Variants in MTREX observed in about 807,000 individuals in gnomAD.
The protein encoded by MTREX is exosome RNA helicase MTR4.
Under a neutral mutation model 135.4 loss-of-function variants are expected in MTREX, and 76 were observed. That is an observed-to-expected ratio of 0.56 (90% CI 0.47 to 0.68). The LOEUF is 0.68. Among genes scored for constraint, MTREX ranks in the 30% least tolerant of loss-of-function variants. The pLI is 0.00. For synonymous variants in MTREX, 404 were observed against 401.6 expected, an observed-to-expected ratio of 1.01 and a Z score of -0.07; for missense variants, 920 against 1,262.1, an observed-to-expected ratio of 0.73 and a Z score of 4.11.
At chr5:55,391,201 G>A (rs546865183) in intron 19 of MTREX, among the ~76,000 whole-genome samples, 96 of 152,270 alleles carry the variant, frequency 6.3e-4, no homozygotes, top group African/African-American at 2.2e-3. Context: ...AGCACTTTGG[G>A]AGACTGAGGT....
At chr5:55,347,485 T>C (rs1468277123) in intron 11 of MTREX, among the ~76,000 whole-genome samples, 1 of 152,232 alleles carries the variant, frequency 6.6e-6, no homozygotes, top group Admixed American at 6.5e-5. Context: ...ATAGCTTGGT[T>C]AGACCACCTT....
chr5:55,324,214 A>C lies in MTREX; in HGVS notation c.339+16A>C, dbSNP rs769306462. ...TACACATGAGGTAAGCACAAACAGC[A>C]TACAGAAGGTTAGTGTTACAAATGG... is the stretch of plus-strand genomic sequence containing the variant. On this transcript the variant is annotated intron_variant, in intron 3 of 26. Coordinates refer to ENST00000230640, the MANE Select transcript of MTREX (RefSeq NM_015360.5). 3 of 1,584,924 alleles carry C rather than the reference A, an allele frequency of 1.9e-6. No homozygotes were observed. The highest frequency in any genetic ancestry group is 2.2e-5 in the South Asian group (2 of 89,468).
At chr5:55,376,036 G>A (rs1750295812) in intron 16 of MTREX, among the ~76,000 whole-genome samples, 1 of 152,158 alleles carries the variant, frequency 6.6e-6, no homozygotes, top group African/African-American at 2.4e-5. Flanking sequence ...GAGAAACATA[G>A]TTCCAAAATT....
intron 21 of MTREX, among the ~76,000 whole-genome samples, chr5:55,401,637 A>G (rs1750724900): frequency 6.6e-6 from 1 of 152,174 alleles, no homozygotes; most frequent in African/African-American, 2.4e-5. Context: ...CTTTCTCTAC[A>G]TCTTCGCCAG....
rs201624259 is a variant in MTREX, at chr5:55,352,002, T to TTTTTTG, written c.1431+996_1431+1001dup. ...ATCCCCAACTAATTTTTTTTTCTTG[T>TTTTTTG]TTTTTGTTTTTGTTTTTGTTTTTGT... On this transcript the variant is annotated intron_variant, in intron 13 of 26. Coordinates refer to ENST00000230640, the MANE Select transcript of MTREX (RefSeq NM_015360.5). Among the ~76,000 whole-genome samples the TTTTTTG allele has an allele frequency of 6.2e-3, 942 of 151,380 alleles. 13 individuals are homozygous for TTTTTTG. The highest frequency in any genetic ancestry group is 0.02 in the African/African-American group (818 of 41,102).
intron 24 of MTREX, among the ~76,000 whole-genome samples, chr5:55,415,641 A>C (rs1377736528): frequency 6.6e-6 from 1 of 152,234 alleles, no homozygotes; most frequent in Non-Finnish European, 1.5e-5. Context: ...TCTGTTTTGT[A>C]ATGAAATAAT....
intron 1 of MTREX, among the ~76,000 whole-genome samples, chr5:55,312,813 CTT>C (rs1023938713): frequency 6.6e-6 from 1 of 152,052 alleles, no homozygotes; most frequent in South Asian, 2.1e-4. Context: ...GCTGTTGTGT[CTT>C]TTTGACAAGA....
chr5:55,402,545 A>C (rs1329589375), intron 21 of MTREX, among the ~76,000 whole-genome samples: 1 of 152,216 alleles, frequency 6.6e-6, no homozygotes, highest in Non-Finnish European at 1.5e-5. Context: ...GGACTGGCTA[A>C]ATAAAGTTGT....
chr5:55,414,348 C>A (rs1235405443), intron 24 of MTREX, 110 bp downstream of exon 24: 2 of 846,768 alleles, frequency 2.4e-6, no homozygotes, highest in Non-Finnish European at 1.7e-6. Flanking sequence ...ACAGAGATAA[C>A]CTATAAGGAT....
rs780722154 is a variant in MTREX, at chr5:55,345,196, G to C, written c.1108G>C (p.Gly370Arg). 1 of 1,593,208 alleles carries C rather than the reference G, an allele frequency of 6.3e-7. No homozygotes were observed. The highest frequency in any genetic ancestry group is 1.1e-5 in the South Asian group (1 of 90,274). ...DQKGRKGGTK[G>R]PSNVFKIVKM... is the part of the protein sequence containing the mutation. ...GAAAGGGCGGAAAGGAGGAACAAAA[G>C]GTAATTTGGAACTTTGCTTTGAGAG... The change falls in exon 10 of 27, where the codon GGA (glycine) becomes CGA (arginine). Residue 370 changes from glycine (G) to arginine (R), a missense_variant and splice_region_variant. Around this residue, in one of 6 missense-constraint regions of MTREX, gnomAD observed 101 missense variants for 119.1 expected, o/e 0.85. Transcript: ENST00000230640.
intron 14 of MTREX, chr5:55,357,255 T>G (rs987659221): frequency 1.3e-5 from 2 of 152,610 alleles, no homozygotes; most frequent in Admixed American, 6.5e-5. Context: ...CCTTTGCCAA[T>G]TGGGGTCTTC....
At chr5:55,310,513 CAA>C (rs1335764475) in intron 1 of MTREX, among the ~76,000 whole-genome samples, 6 of 152,042 alleles carry the variant, frequency 3.9e-5, no homozygotes, top group African/African-American at 1.2e-4. Context: ...GAGGCTGAGA[CAA>C]GAGAATGGCT....
At chr5:55,344,733 TTGTC>T in intron 9 of MTREX, 113 bp downstream of exon 9, 1 of 634,706 alleles carries the variant, frequency 1.6e-6, no homozygotes, top group South Asian at 2.5e-5. Flanking sequence ...ATACATTTGT[TTGTC>T]TTAGTTTTAA....
chr5:55,308,706 A>C (rs1289315433), intron 1 of MTREX, among the ~76,000 whole-genome samples: 1 of 152,216 alleles, frequency 6.6e-6, no homozygotes, highest in East Asian at 1.9e-4. Flanking sequence ...AATGGTAGCT[A>C]TCGTGAGTTT....
At position 55,375,903 on chromosome 5, in the gene MTREX, C is replaced by T. The variant is rs146959471; in HGVS notation, c.1811-2411C>T. 1.1e-4 allele frequency among the ~76,000 whole-genome samples: 17 copies of T among 152,294 alleles called. No individual in the cohort carries two copies. The East Asian group carries it at 2.3e-3, about 21-fold the overall frequency. On this transcript the variant is annotated intron_variant, in intron 16 of 26. Transcript: ENST00000230640. ...CCTCCGTTTGGGGTCCCTGTCTTCC[C>T]GCAACATCTCTCCCTTTCTTGTTAT...
At chr5:55,416,873 A>G (rs1304567676) in intron 25 of MTREX, among the ~76,000 whole-genome samples, 4 of 152,146 alleles carry the variant, frequency 2.6e-5, no homozygotes, top group South Asian at 2.1e-4. Context: ...AACTGCTACT[A>G]TTGCTTATAG....
chr5:55,329,133 A>G (rs545065192), intron 5 of MTREX, among the ~76,000 whole-genome samples: 3 of 151,788 alleles, frequency 2.0e-5, no homozygotes, highest in Non-Finnish European at 4.4e-5. Context: ...TTGTTTGCAT[A>G]TGTATTTATG....
intron 12 of MTREX, 111 bp downstream of exon 12, chr5:55,349,763 A>T: frequency 1.6e-6 from 1 of 631,178 alleles, no homozygotes; most frequent in Non-Finnish European, 2.9e-6. Context: ...ACTGTAGCAT[A>T]TGGGTTGTGA....
chr5:55,400,379 A>T lies in MTREX; in HGVS notation c.2439A>T (p.Pro813=). 1 of 1,611,512 alleles carries T rather than the reference A, an allele frequency of 6.2e-7. No individual in the cohort carries two copies. The highest frequency in any genetic ancestry group is 8.5e-7 in the Non-Finnish European group (1 of 1,179,002). Residue 813 remains proline (P), a synonymous_variant, in exon 21 of 27, where the codon CCA becomes CCT. Coordinates refer to ENST00000230640, the MANE Select transcript of MTREX (RefSeq NM_015360.5). Reference sequence around the variant, plus strand: ...ATTCTCATCCACTTCACAATGATCCAAATTTGGAAACTGTGTATACGCTTT... The same window carrying T: ...ATTCTCATCCACTTCACAATGATCCTAATTTGGAAACTGTGTATACGCTTT... ...RMYSHPLHND[P]NLETVYTLCE...
Sources: gnomAD v4.1 joint callset for allele counts (sites outside exome capture counted in the v4.1 genomes callset) on GRCh38, gnomAD v4.1.1 for gene constraint, gnomAD v4.1.1 regional missense constraint, MANE v1.5 for transcripts, NCBI Gene and HGNC (gene_info 2026-07-23, HGNC 2026-07-21) for gene names.